NBEA: variants seen among roughly 807,000 people sequenced by gnomAD.
NBEA encodes the protein lysosomal-trafficking regulator 2.
A neutral mutation model predicts 343.4 loss-of-function variants in NBEA; 44 were observed. The observed-to-expected ratio is 0.13, with a 90% CI of 0.10 to 0.16. NBEA has a LOEUF of 0.16. NBEA is among the 10% of genes least tolerant of loss of function. The probability of loss-of-function intolerance (pLI) is 1.00; values close to 1 mark genes in which losing one functional copy is unlikely to be tolerated. For synonymous variants in NBEA, 1,175 were observed against 1,238.7 expected (o/e 0.95, Z 1.08); for missense variants, 2,555 against 3,631.3 (o/e 0.70, Z 7.62).
chr13:34,992,352 T>G (rs576286380), intron 1 of NBEA, among the ~76,000 whole-genome samples: 65 of 150,210 alleles, frequency 4.3e-4, no homozygotes, highest in African/African-American at 1.5e-3. Flanking sequence ...CTTTCTGGAT[T>G]CAAGCTGTTC....
chr13:35,643,279 G>C (rs1387162863), intron 49 of NBEA, among the ~76,000 whole-genome samples: 1 of 151,936 alleles, frequency 6.6e-6, no homozygotes, highest in African/African-American at 2.4e-5. Context: ...GGGCTCCCAG[G>C]GCAGCCTGGG....
At chr13:35,094,727 T>C (rs772365981) in intron 10 of NBEA, among the ~76,000 whole-genome samples, 32 of 152,056 alleles carry the variant, frequency 2.1e-4, no homozygotes, top group Non-Finnish European at 4.1e-4. Flanking sequence ...AGAAATATGA[T>C]ATTAAATATT....
intron 10 of NBEA, among the ~76,000 whole-genome samples, chr13:35,073,609 T>C (rs1340891472): frequency 6.6e-6 from 1 of 152,108 alleles, no homozygotes; most frequent in East Asian, 1.9e-4. Context: ...TTATCAACTT[T>C]GATGAGTTTT....
intron 40 of NBEA, among the ~76,000 whole-genome samples, chr13:35,458,439 C>G (rs1490907478): frequency 6.6e-6 from 1 of 152,148 alleles, no homozygotes. Flanking sequence ...AAGGTTCCCA[C>G]TTAAAAATGT....
chr13:35,613,803 T>C (rs189140361), intron 48 of NBEA, among the ~76,000 whole-genome samples: 8 of 151,966 alleles, frequency 5.3e-5, no homozygotes, highest in Admixed American at 2.6e-4. Context: ...AAATTTGTTA[T>C]AGAGATGGAA....
chr13:34,994,315 A>G lies in NBEA; in HGVS notation c.295-46618A>G, dbSNP rs181698704. ...GGGATGCCTTACATTAATTTTAATT[A>G]TGTGGAACGAGTTTATACTAATCAG... On this transcript the variant is annotated intron_variant, in intron 1 of 58. Coordinates refer to ENST00000379939, the MANE Select transcript of NBEA (RefSeq NM_001385012.1). Among the ~76,000 whole-genome samples, 77 of 151,156 alleles carry G rather than the reference A, an allele frequency of 5.1e-4. 1 individual carries two copies. The highest frequency in any genetic ancestry group is 9.9e-4 in the Non-Finnish European group (67 of 67,734).
At chr13:35,570,256 G>GAACT (rs2080340501) in intron 45 of NBEA, among the ~76,000 whole-genome samples, 1 of 152,096 alleles carries the variant, frequency 6.6e-6, no homozygotes, top group South Asian at 2.1e-4. Flanking sequence ...GGCTCGTCTT[G>GAACT]AACTCCTGAC....
intron 39 of NBEA, among the ~76,000 whole-genome samples, chr13:35,434,527 C>G (rs1276213029): frequency 6.6e-6 from 1 of 152,132 alleles, no homozygotes; most frequent in Non-Finnish European, 1.5e-5. Context: ...CGACATGGTA[C>G]TATTGGAGTT....
intron 34 of NBEA, among the ~76,000 whole-genome samples, chr13:35,289,376 A>T (rs774402504): frequency 6.6e-6 from 1 of 151,894 alleles, no homozygotes; most frequent in Non-Finnish European, 1.5e-5. Context: ...TAATTTTAAA[A>T]ACAGTGAAAA....
At chr13:35,505,188 A>G (rs984153505) in intron 41 of NBEA, among the ~76,000 whole-genome samples, 3 of 152,168 alleles carry the variant, frequency 2.0e-5, no homozygotes, top group African/African-American at 7.2e-5. Flanking sequence ...CATGCTTACT[A>G]TGTTCATATG....
At chr13:35,368,994 C>T (rs1477964107) in intron 38 of NBEA, among the ~76,000 whole-genome samples, 2 of 151,726 alleles carry the variant, frequency 1.3e-5, no homozygotes, top group African/African-American at 4.8e-5. Flanking sequence ...CTAAGGCACA[C>T]ATCAGTGCTC....
At chr13:35,663,969 T>C (rs543430278) in intron 55 of NBEA, among the ~76,000 whole-genome samples, 28 of 152,088 alleles carry the variant, frequency 1.8e-4, no homozygotes, top group Non-Finnish European at 4.0e-4. Flanking sequence ...AGACAGAAGA[T>C]AGGCAGGTCT....
At chr13:35,369,907 T>TG (rs2041332190) in intron 38 of NBEA, among the ~76,000 whole-genome samples, 1 of 151,990 alleles carries the variant, frequency 6.6e-6, no homozygotes, top group Non-Finnish European at 1.5e-5. Context: ...ATGAAAATAG[T>TG]CATCCTTGTC....
chr13:35,486,533 T>C (rs2152970341), intron 41 of NBEA, among the ~76,000 whole-genome samples: 1 of 152,116 alleles, frequency 6.6e-6, no homozygotes, highest in East Asian at 1.9e-4. Flanking sequence ...AAATATTAGC[T>C]CCCATTTACA....
chr13:35,471,374 G>C (rs1046561812), intron 40 of NBEA, among the ~76,000 whole-genome samples: 1 of 152,136 alleles, frequency 6.6e-6, no homozygotes, highest in Non-Finnish European at 1.5e-5. Context: ...GCCTTTCTCC[G>C]ACTGTTATTG....
At chr13:35,550,743 GA>G (rs2079280582) in intron 42 of NBEA, 149 bp downstream of exon 42, 1 of 686,200 alleles carries the variant, frequency 1.5e-6, no homozygotes, top group Non-Finnish European at 2.4e-6. Context: ...AATAAAAAAA[GA>G]ATGAATTTGT....
At chr13:35,419,980 G>A (rs530893914) in intron 38 of NBEA, among the ~76,000 whole-genome samples, 15 of 152,002 alleles carry the variant, frequency 9.9e-5, no homozygotes, top group Admixed American at 9.2e-4. Flanking sequence ...CTTGCATCTC[G>A]TGACCTTGCT....
chr13:35,628,053 C>T (rs2083302284), intron 48 of NBEA, 28 bp from the exon 49 acceptor site: 6 of 1,577,660 alleles, frequency 3.8e-6, no homozygotes, highest in Non-Finnish European at 5.2e-6. Flanking sequence ...TTTTGATGGT[C>T]TCTCATTTCT....
rs141995628 is a variant in NBEA, at chr13:35,334,571, C to T, written c.5904-14537C>T. Among the ~76,000 whole-genome samples the T allele has an allele frequency of 2.1e-3, 315 of 152,242 alleles. 1 individual carries two copies. Among genetic ancestry groups the T allele is most frequent in the African/African-American group, 6.9e-3 (285 of 41,566 alleles). On this transcript the variant is annotated intron_variant, in intron 36 of 58. Transcript: ENST00000379939. The stretch of plus-strand genomic sequence containing the variant: ...AGGCGTGGGCCACCATGCCCAGCCT[C>T]GTTGTAGTTTTGGTTTGCATTTCTC...
Sources: allele counts gnomAD v4.1 joint callset (sites outside exome capture counted in the v4.1 genomes callset), GRCh38; gene constraint gnomAD v4.1.1; transcripts MANE v1.5; gene names NCBI Gene and HGNC (gene_info 2026-07-23, HGNC 2026-07-21).